PSMA1: variants seen among roughly 807,000 people sequenced by gnomAD.
The protein encoded by PSMA1 is proteasome subunit alpha type-1.
PSMA1 carries 3 observed loss-of-function variants against 38.4 expected under a neutral mutation model. That is an observed-to-expected ratio of 0.08 (90% CI 0.04 to 0.20). PSMA1 has a LOEUF of 0.20. Among genes scored for constraint, PSMA1 ranks in the 10% least tolerant of loss-of-function variants. The probability of loss-of-function intolerance (pLI) is 1.00; values close to 1 mark genes in which losing one functional copy is unlikely to be tolerated. For missense variants in PSMA1, 227 were observed against 325.3 expected (o/e 0.70, Z 2.32); for synonymous variants, 101 against 107.1 (o/e 0.94, Z 0.35).
intron 8 of PSMA1, among the ~76,000 whole-genome samples, chr11:14,510,545 G>A (rs905000599): frequency 9.2e-5 from 14 of 152,088 alleles, no homozygotes; most frequent in Admixed American, 6.5e-5. Context: ...TGTGTTTACT[G>A]TATTTTCAAT....
At chr11:14,632,356 G>C (rs1853031543) in intron 1 of PSMA1, among the ~76,000 whole-genome samples, 1 of 147,530 alleles carries the variant, frequency 6.8e-6, no homozygotes, top group Non-Finnish European at 1.5e-5. Context: ...TTGTAAGGCA[G>C]GCCTGGTGGT....
chr11:14,551,899 T>A (rs1192175086), intron 2 of PSMA1, among the ~76,000 whole-genome samples: 1 of 152,206 alleles, frequency 6.6e-6, no homozygotes, highest in Non-Finnish European at 1.5e-5. Flanking sequence ...AAAATATTAA[T>A]TTTATTTTAT....
At chr11:14,641,232 T>C (rs985950401) in intron 1 of PSMA1, among the ~76,000 whole-genome samples, 1 of 150,212 alleles carries the variant, frequency 6.7e-6, no homozygotes, top group African/African-American at 2.4e-5. Context: ...AAAATAAGGA[T>C]GGGGTAAAGT....
At chr11:14,575,871 C>A (rs1359188518) in intron 2 of PSMA1, among the ~76,000 whole-genome samples, 1 of 152,232 alleles carries the variant, frequency 6.6e-6, no homozygotes, top group African/African-American at 2.4e-5. Context: ...TTTACAGTCC[C>A]ACCAGCAATG....
At chr11:14,594,341 G>A (rs751704582) in intron 2 of PSMA1, among the ~76,000 whole-genome samples, 5 of 150,912 alleles carry the variant, frequency 3.3e-5, no homozygotes, top group Non-Finnish European at 7.4e-5. Context: ...CACTACAACA[G>A]TGGGAAGTCC....
intron 1 of PSMA1, among the ~76,000 whole-genome samples, chr11:14,617,674 C>CAT (rs758018013): frequency 5.8e-4 from 85 of 146,216 alleles, no homozygotes; most frequent in Non-Finnish European, 1.1e-3. Flanking sequence ...TATATATATA[C>CAT]ATATATATAC....
intron 1 of PSMA1, 101 bp from the exon 2 acceptor site, chr11:14,519,142 A>T: frequency 1.0e-6 from 1 of 978,810 alleles, no homozygotes. Flanking sequence ...TTCAATGTTA[A>T]GGCACTCTGT....
At chr11:14,507,895 T>TA in intron 8 of PSMA1, 129 bp from the exon 9 acceptor site, 1 of 628,146 alleles carries the variant, frequency 1.6e-6, no homozygotes, top group East Asian at 2.8e-5. Flanking sequence ...AAAAACCACT[T>TA]ATGTGTAGGA....
At chr11:14,520,679 G>A (rs1851514784), upstream of PSMA1, 5 of 362,568 alleles carry the variant, frequency 1.4e-5, no homozygotes, top group South Asian at 1.2e-4. Context: ...GTCAACAGCC[G>A]TGACTCTGGG....
chr11:14,628,434 G>C (rs1021121722), intron 1 of PSMA1, among the ~76,000 whole-genome samples: 10 of 148,666 alleles, frequency 6.7e-5, no homozygotes, highest in African/African-American at 2.5e-4. Context: ...TTTTGTTCTT[G>C]CGATAGTTTA....
upstream of PSMA1, among the ~76,000 whole-genome samples, chr11:14,521,625 A>G (rs1427415931): frequency 6.6e-6 from 1 of 151,950 alleles, no homozygotes; most frequent in Non-Finnish European, 1.5e-5. Flanking sequence ...TCTACTAAAA[A>G]TACAAAAATT....
intron 2 of PSMA1, among the ~76,000 whole-genome samples, chr11:14,610,263 A>G (rs948289290): frequency 6.6e-6 from 1 of 152,132 alleles, no homozygotes; most frequent in African/African-American, 2.4e-5. Context: ...TTTATAACAT[A>G]TTCAAATCCT....
chr11:14,513,785 C>A, intron 6 of PSMA1, 32 bp downstream of exon 6: 2 of 1,551,564 alleles, frequency 1.3e-6, no homozygotes, highest in Non-Finnish European at 1.7e-6. Flanking sequence ...TAAAAAAAAT[C>A]ATTAACATAT....
chr11:14,524,834 G>A (rs1764833999), upstream of PSMA1, among the ~76,000 whole-genome samples: 1 of 152,088 alleles, frequency 6.6e-6, no homozygotes, highest in Non-Finnish European at 1.5e-5. Flanking sequence ...ATTTTAAATC[G>A]GGAGCCCACT....
chr11:14,640,548 C>A, intron 1 of PSMA1, among the ~76,000 whole-genome samples: 1 of 152,072 alleles, frequency 6.6e-6, no homozygotes, highest in Non-Finnish European at 1.5e-5. Flanking sequence ...ATATAGTGGG[C>A]ACTAAATAGC....
chr11:14,578,016 T>C (rs1189041477), intron 2 of PSMA1, among the ~76,000 whole-genome samples: 1 of 151,570 alleles, frequency 6.6e-6, no homozygotes. Flanking sequence ...TAAGTGGGAG[T>C]TGAACAATGA....
rs757886405 is a variant in PSMA1 at position 14,592,394 on chromosome 11, ATT to A, written c.21+18570_21+18571del. Among the ~76,000 whole-genome samples the A allele has an allele frequency of 7.0e-3, 968 of 138,104 alleles. 9 individuals carry two copies. The highest frequency in any genetic ancestry group is 0.022 in the African/African-American group (787 of 35,658). 90.6% of individuals were successfully genotyped at this position (138,104 alleles called of 152,430 possible). A position where few individuals can be genotyped will look rare whatever the true frequency, so the allele number is the denominator to read the frequency against. On this transcript the variant is annotated intron_variant, in intron 2 of 10. Coordinates refer to the PSMA1 transcript ENST00000418988. The stretch of plus-strand genomic sequence containing the variant: ...TCTCTCTCTATATATATATATATAT[ATT>A]TTTTTTTTAGATGGAGTCTCGCTTT...
At chr11:14,520,464 C>A (rs1292675131), upstream of PSMA1, 2 of 1,535,122 alleles carry the variant, frequency 1.3e-6, no homozygotes, top group African/African-American at 1.4e-5. Flanking sequence ...TGCAACACTT[C>A]CCCCTCCTTA....
intron 1 of PSMA1, among the ~76,000 whole-genome samples, chr11:14,638,525 CTCTCTCTCTCTCTCTCTCTCTATA>C (rs1305802364): frequency 4.1e-5 from 1 of 24,648 alleles, no homozygotes; most frequent in African/African-American, 1.7e-4. Flanking sequence ...CTCTCTCTCT[CTCTCTCTCTCTCTCTCTCTCTATA>C]TATATATATA....
Sources: allele counts gnomAD v4.1 joint callset (sites outside exome capture counted in the v4.1 genomes callset), GRCh38; gene constraint gnomAD v4.1.1; transcripts MANE v1.5; gene names NCBI Gene and HGNC (gene_info 2026-07-23, HGNC 2026-07-21).